Variants in KIF6 observed in about 807,000 individuals in gnomAD.
KIF6 encodes the protein kinesin-like protein KIF6.
Under a neutral mutation model 112.7 loss-of-function variants are expected in KIF6, and 106 were observed. The observed-to-expected ratio is 0.94, with a 90% CI of 0.80 to 1.11. KIF6 has a LOEUF of 1.11. Among genes scored for constraint, KIF6 ranks in the 50% least tolerant of loss-of-function variants. KIF6 has a pLI of 0.00. For synonymous variants in KIF6, 339 were observed against 339.9 expected, an observed-to-expected ratio of 1.00 and a Z score of 0.03; for missense variants, 929 against 964.0, an observed-to-expected ratio of 0.96 and a Z score of 0.48.
At chr6:39,345,662 A>G in intron 21 of KIF6, 38 bp downstream of exon 21, 1 of 1,558,930 alleles carries the variant, frequency 6.4e-7, no homozygotes, top group Non-Finnish European at 8.8e-7. Context: ...CGCCCACTGC[A>G]GGGGCTGTCA....
rs762029861 is a variant in KIF6 at position 39,343,247 on chromosome 6, C to T, written c.2428+462G>A. ...TCCTCTGTGATTGTTATGGTGTCCTCGGGCCTGGGCCTTCAAGCAGTGTTT... is the reference window on the plus strand; with the variant it reads ...TCCTCTGTGATTGTTATGGTGTCCTTGGGCCTGGGCCTTCAAGCAGTGTTT... On this transcript the variant is annotated intron_variant, in intron 22 of 22. Transcript: ENST00000287152. The surrounding 1 kb of genome is among the most constrained non-coding windows in gnomAD (Gnocchi z 4.1). The T allele has an allele frequency of 6.2e-5, 79 of 1,267,458 alleles. 1 individual carries two copies. The Middle Eastern group carries it at 1.6e-3, about 26-fold the overall frequency. 78.5% of individuals were successfully genotyped at this position (1,267,458 alleles called of 1,614,324 possible).
At chr6:39,414,098 CT>C (rs1479444835) in intron 15 of KIF6, among the ~76,000 whole-genome samples, 2 of 152,096 alleles carry the variant, frequency 1.3e-5, no homozygotes, top group Non-Finnish European at 2.9e-5. Context: ...GGGATGACAT[CT>C]TGGCTTTTAT....
chr6:39,346,271 GAA>G (rs1763797213), intron 20 of KIF6: 2 of 685,608 alleles, frequency 2.9e-6, no homozygotes, highest in Non-Finnish European at 5.3e-6. Flanking sequence ...TTGTGTCCCT[GAA>G]AAGTCATGTG....
chr6:39,604,462 G>C (rs1049669379), intron 6 of KIF6, among the ~76,000 whole-genome samples: 1 of 152,064 alleles, frequency 6.6e-6, no homozygotes, highest in African/African-American at 2.4e-5. Context: ...ACACTGCCTA[G>C]CAACAAAATA....
intron 16 of KIF6, among the ~76,000 whole-genome samples, chr6:39,368,622 TA>T (rs1169114879): frequency 3.3e-5 from 5 of 152,222 alleles, no homozygotes; most frequent in African/African-American, 1.2e-4. Context: ...TGCCCTTTAA[TA>T]ACCGAAATCC....
At chr6:39,651,082 C>T (rs1005567116) in intron 3 of KIF6, among the ~76,000 whole-genome samples, 16 of 151,708 alleles carry the variant, frequency 1.1e-4, no homozygotes, top group African/African-American at 3.9e-4. Context: ...TTTTAAAAAC[C>T]CAAAGGGCTA....
At chr6:39,515,885 T>C (rs1256708143) in intron 13 of KIF6, among the ~76,000 whole-genome samples, 1 of 152,188 alleles carries the variant, frequency 6.6e-6, no homozygotes, top group East Asian at 1.9e-4. Flanking sequence ...TGGATCTATA[T>C]GTATGAAAAT....
At chr6:39,355,610 T>C (rs562135474) in intron 19 of KIF6, among the ~76,000 whole-genome samples, 1 of 151,856 alleles carries the variant, frequency 6.6e-6, no homozygotes, top group Non-Finnish European at 1.5e-5. Context: ...ATTACAGGCA[T>C]GCACCACCAC....
chr6:39,343,697 A>G lies in KIF6; in HGVS notation c.2428+12T>C, dbSNP rs767461784. 1.8e-5 allele frequency: 29 copies of G among 1,585,568 alleles called. No individual in the cohort carries two copies. In the East Asian group the frequency reaches 6.3e-4, roughly 34 times the overall value. Reference sequence around the variant, plus strand: ...GCTGCCCAGGAGGAGCCACCGAGGGAGGTGCACTTACATTGCTTCTGCAGA... The same window carrying G: ...GCTGCCCAGGAGGAGCCACCGAGGGGGGTGCACTTACATTGCTTCTGCAGA... On this transcript the variant is annotated intron_variant, in intron 22 of 22. Transcript: ENST00000287152. This position sits in a 1 kb window ranked among gnomAD's most constrained non-coding sequence, Gnocchi z 4.1.
chr6:39,430,935 T>C, intron 14 of KIF6, 118 bp downstream of exon 14: 1 of 594,272 alleles, frequency 1.7e-6, no homozygotes, highest in Non-Finnish European at 3.0e-6. Flanking sequence ...TGAATAAACA[T>C]TATGCTTTTC....
At chr6:39,470,600 T>C (rs916602547) in intron 13 of KIF6, among the ~76,000 whole-genome samples, 1 of 152,146 alleles carries the variant, frequency 6.6e-6, no homozygotes, top group Non-Finnish European at 1.5e-5. Flanking sequence ...GAATGTTGCA[T>C]AGACACAGGA....
intron 21 of KIF6, among the ~76,000 whole-genome samples, chr6:39,344,155 T>C (rs1033326950): frequency 6.6e-6 from 1 of 152,196 alleles, no homozygotes; most frequent in Non-Finnish European, 1.5e-5. Flanking sequence ...TCCTCCATAC[T>C]GTTCTCGTGG....
intron 10 of KIF6, among the ~76,000 whole-genome samples, chr6:39,563,841 C>A (rs1239984980): frequency 3.3e-5 from 5 of 152,212 alleles, no homozygotes; most frequent in Middle Eastern, 3.2e-3. Flanking sequence ...TATACCCTCA[C>A]CAACTCAGGG....
intron 13 of KIF6, among the ~76,000 whole-genome samples, chr6:39,502,146 G>A (rs991737053): frequency 6.6e-6 from 1 of 152,158 alleles, no homozygotes; most frequent in Admixed American, 6.5e-5. Flanking sequence ...TCTCTCAGTG[G>A]TAACCCTACA....
At chr6:39,405,247 C>G (rs936283931) in intron 15 of KIF6, among the ~76,000 whole-genome samples, 14 of 152,150 alleles carry the variant, frequency 9.2e-5, no homozygotes, top group Admixed American at 9.2e-4. Context: ...ACTTTCAGTA[C>G]TGTATTAAAC....
intron 13 of KIF6, among the ~76,000 whole-genome samples, chr6:39,439,282 C>T (rs895600586): frequency 2.0e-5 from 3 of 152,168 alleles, no homozygotes; most frequent in African/African-American, 7.2e-5. Context: ...GACTCAGCTC[C>T]TCAACAGAGC....
chr6:39,593,290 T>C (rs1782051641), intron 7 of KIF6, among the ~76,000 whole-genome samples: 1 of 152,226 alleles, frequency 6.6e-6, no homozygotes, highest in African/African-American at 2.4e-5. Context: ...GAGAAATTGA[T>C]TAACAAAAGT....
intron 9 of KIF6, chr6:39,583,050 C>T (rs1332412225): frequency 5.9e-5 from 11 of 186,178 alleles, no homozygotes; most frequent in Admixed American, 5.9e-4. Flanking sequence ...AAATCTCTCA[C>T]AGACCTATAT....
intron 3 of KIF6, among the ~76,000 whole-genome samples, chr6:39,708,879 A>C (rs1461558649): frequency 6.6e-6 from 1 of 151,550 alleles, no homozygotes; most frequent in African/African-American, 2.4e-5. Flanking sequence ...CAGTTTGAGA[A>C]GCACAACACT....
Sources: gnomAD v4.1 joint callset for allele counts (sites outside exome capture counted in the v4.1 genomes callset) on GRCh38, gnomAD v4.1.1 for gene constraint, Gnocchi (gnomAD v3.1) non-coding constraint, MANE v1.5 for transcripts, NCBI Gene and HGNC (gene_info 2026-07-23, HGNC 2026-07-21) for gene names.